FDFT1: variants seen among roughly 807,000 people sequenced by gnomAD.
FDFT1 encodes the protein squalene synthase.
FDFT1 carries 68 observed loss-of-function variants against 46.8 expected under a neutral mutation model. That is an observed-to-expected ratio of 1.45 (90% CI 1.19 to 1.78). The LOEUF (loss-of-function observed/expected upper bound fraction) is 1.78. Among genes scored for constraint, FDFT1 ranks in the 40% most tolerant of loss-of-function variants. The pLI is 0.00. For synonymous variants in FDFT1, 351 were observed against 185.1 expected (o/e 1.90, Z -7.28); for missense variants, 928 against 524.4 (o/e 1.77, Z -7.52).
intron 2 of FDFT1, chr8:11,809,262 T>G (rs1472014435): frequency 8.0e-6 from 9 of 1,122,258 alleles, no homozygotes; most frequent in Non-Finnish European, 8.7e-6. Flanking sequence ...CTGTGCACAT[T>G]ACACCCATGA....
chr8:11,814,241 G>T (rs1808131852), intron 3 of FDFT1, among the ~76,000 whole-genome samples: 1 of 151,700 alleles, frequency 6.6e-6, no homozygotes, highest in South Asian at 2.1e-4. Context: ...GGCTTGAACA[G>T]CTGTTGTGCA....
At chr8:11,808,424 C>G (rs1019708374) in intron 1 of FDFT1, 6 of 1,257,796 alleles carry the variant, frequency 4.8e-6, no homozygotes, top group Admixed American at 4.1e-5. Context: ...AGCGCGTATT[C>G]GAGTAGAGGG....
At chr8:11,802,167 G>C (rs970550319), upstream of FDFT1, 3 of 447,772 alleles carry the variant, frequency 6.7e-6, no homozygotes, top group East Asian at 1.4e-4. Context: ...GGGCTGGATG[G>C]CGGTGGCGGG....
chr8:11,830,912 TAAGTG>T (rs987326647), intron 6 of FDFT1, among the ~76,000 whole-genome samples: 51 of 152,338 alleles, frequency 3.3e-4, no homozygotes, highest in Non-Finnish European at 6.9e-4. Flanking sequence ...CTACTGCAAA[TAAGTG>T]AAGAAAGTAA....
chr8:11,807,711 A>G (rs561538730), intron 1 of FDFT1, among the ~76,000 whole-genome samples: 91 of 152,344 alleles, frequency 6.0e-4, no homozygotes, highest in African/African-American at 2.1e-3. Context: ...GGGAAGAGTA[A>G]AGGTCAGTGC....
intron 4 of FDFT1, among the ~76,000 whole-genome samples, chr8:11,825,780 T>C (rs545418519): frequency 6.6e-6 from 1 of 152,124 alleles, no homozygotes; most frequent in Non-Finnish European, 1.5e-5. Flanking sequence ...TTGTAGAAAT[T>C]TGGAAAATAC....
At chr8:11,806,469 G>C (rs965745750) in intron 1 of FDFT1, among the ~76,000 whole-genome samples, 4 of 152,202 alleles carry the variant, frequency 2.6e-5, no homozygotes, top group African/African-American at 9.7e-5. Context: ...AAGAGCAGCA[G>C]GGGTACGAGC....
upstream of FDFT1, among the ~76,000 whole-genome samples, chr8:11,797,773 G>C (rs578033370): frequency 6.6e-6 from 1 of 152,178 alleles, no homozygotes; most frequent in African/African-American, 2.4e-5. Context: ...AGGCGTGGCA[G>C]GTGGCTAGGC....
chr8:11,801,196 A>G (rs766173459), upstream of FDFT1, among the ~76,000 whole-genome samples: 40 of 152,216 alleles, frequency 2.6e-4, no homozygotes, highest in African/African-American at 1.7e-4. Context: ...AAGCAAAAGC[A>G]TAAGAGATGG....
At chr8:11,830,742 C>G (rs1810659233) in intron 6 of FDFT1, among the ~76,000 whole-genome samples, 2 of 152,150 alleles carry the variant, frequency 1.3e-5, no homozygotes, top group African/African-American at 2.4e-5. Flanking sequence ...TGGGTAAAAC[C>G]TGGGTGAAGC....
chr8:11,809,221 G>C, intron 2 of FDFT1: 1 of 1,181,478 alleles, frequency 8.5e-7, no homozygotes, highest in Non-Finnish European at 1.1e-6. Context: ...TCTATTTCTA[G>C]CATATTGGGT....
chr8:11,832,831 C>T (rs994062614), intron 7 of FDFT1, among the ~76,000 whole-genome samples: 3 of 151,976 alleles, frequency 2.0e-5, no homozygotes, highest in East Asian at 1.9e-4. Context: ...ACATACAAGA[C>T]CCTCATCATT....
At chr8:11,830,125 C>T (rs1198303255) in intron 5 of FDFT1, 119 bp from the exon 6 acceptor site, 8 of 825,802 alleles carry the variant, frequency 9.7e-6, no homozygotes, top group South Asian at 1.4e-5. Context: ...GGATTACAGG[C>T]GTGAGCCACG....
rs753718991 is a variant in FDFT1 at position 11,830,280 on chromosome 8, G to A, written c.739G>A (p.Ala247Thr). ...SRYVKKLGDF[A>T]KPENIDLAVQ... ...GTATGTTAAGAAGTTAGGGGATTTTGCTAAGCCGGAGAATATTGACTTGGC... is the reference window on the plus strand; with the variant it reads ...GTATGTTAAGAAGTTAGGGGATTTTACTAAGCCGGAGAATATTGACTTGGC... Residue 247 changes from alanine (A) to threonine (T), a missense_variant, in exon 6 of 8, where the codon GCT (alanine) becomes ACT (threonine). By Grantham distance (58) the Ala-to-Thr change is moderately conservative. Transcript: ENST00000220584. The A allele has an allele frequency of 1.2e-6, 2 of 1,614,036 alleles. No homozygotes were observed. Among genetic ancestry groups the A allele is most frequent in the Non-Finnish European group, 1.7e-6 (2 of 1,179,912 alleles).
rs1388946948 is a variant in FDFT1 at position 11,808,794 on chromosome 8, G to A, written c.100G>A (p.Asp34Asn). 3 of 1,613,070 alleles carry A rather than the reference G, an allele frequency of 1.9e-6. No homozygotes were observed. Among genetic ancestry groups the A allele is most frequent in the Non-Finnish European group, 2.5e-6 (3 of 1,179,796 alleles). ...KRKVMPKMDQ[D>N]SLSSSLKTCY... ...CGCCGTGTGTGTTGTCTGCCCGCAG[G>A]ACTCGCTCAGCAGCAGCCTGAAAAC... is the stretch of plus-strand genomic sequence containing the variant. The change falls in exon 2 of 8, where the codon GAC becomes AAC. Residue 34 changes from aspartate (D) to asparagine (N), a missense_variant and splice_region_variant. Physicochemically the swap from Asp to Asn is conservative, Grantham distance 23. Transcript: ENST00000220584.
chr8:11,824,139 A>G (rs939618525), intron 4 of FDFT1, among the ~76,000 whole-genome samples: 7 of 152,180 alleles, frequency 4.6e-5, no homozygotes, highest in Non-Finnish European at 2.9e-5. Flanking sequence ...CCGGGATTAC[A>G]GGCGTGAACT....
At chr8:11,829,356 C>T (rs889467208) in intron 5 of FDFT1, among the ~76,000 whole-genome samples, 1 of 152,224 alleles carries the variant, frequency 6.6e-6, no homozygotes, top group Non-Finnish European at 1.5e-5. Context: ...CATTAAAAAT[C>T]ATCAAGCCGA....
intron 3 of FDFT1, among the ~76,000 whole-genome samples, chr8:11,816,389 T>C (rs1808453196): frequency 6.6e-6 from 1 of 152,244 alleles, no homozygotes; most frequent in Middle Eastern, 3.2e-3. Flanking sequence ...AAGTAGTTTT[T>C]TCCAATTCTG....
At chr8:11,799,912 C>T (rs1304869451), upstream of FDFT1, among the ~76,000 whole-genome samples, 1 of 146,962 alleles carries the variant, frequency 6.8e-6, no homozygotes, top group Non-Finnish European at 1.5e-5. Context: ...CGCCACTGCA[C>T]TCCAGCCTCA....
Sources: gnomAD v4.1 joint callset for allele counts (sites outside exome capture counted in the v4.1 genomes callset) on GRCh38, gnomAD v4.1.1 for gene constraint, MANE v1.5 for transcripts, NCBI Gene and HGNC (gene_info 2026-07-23, HGNC 2026-07-21) for gene names.